The following COL4A6 variants were observed in gnomAD, a reference collection of about 807,000 sequenced individuals.
The protein encoded by COL4A6 is collagen type IV alpha 6 chain, also known as collagen alpha-6(IV) chain.
Under a neutral mutation model 126.7 loss-of-function variants are expected in COL4A6, and 59 were observed. The ratio of observed to expected loss-of-function variants is 0.47; its 90% CI spans 0.38 to 0.58. The LOEUF is 0.58. Among genes scored for constraint, COL4A6 ranks in the 20% least tolerant of loss-of-function variants. The pLI, the probability that COL4A6 is intolerant of heterozygous loss-of-function variation, is 0.00. For missense variants in COL4A6, 1,285 were observed against 1,337.3 expected, an observed-to-expected ratio of 0.96 and a Z score of 0.61; for synonymous variants, 547 against 496.6, an observed-to-expected ratio of 1.10 and a Z score of -1.35.
intron 2 of COL4A6, among the ~76,000 whole-genome samples, chrX:108,371,584 A>T (rs2040327233): frequency 9.3e-6 from 1 of 108,007 alleles, no homozygotes; most frequent in Admixed American, 1.0e-4. Flanking sequence ...TAAAAAAAAA[A>T]AAAAAAAAAA....
At chrX:108,297,182 G>A (rs1365003262) in intron 3 of COL4A6, among the ~76,000 whole-genome samples, 1 of 111,688 alleles carries the variant, frequency 9.0e-6, no homozygotes, top group Non-Finnish European at 1.9e-5. Context: ...GTTAAGGGAG[G>A]GTTTGATAAT....
chrX:108,336,120 G>T (rs1603112448), intron 2 of COL4A6, among the ~76,000 whole-genome samples: 1 of 111,731 alleles, frequency 9.0e-6, no homozygotes, highest in Non-Finnish European at 1.9e-5. Flanking sequence ...CTCAGCAATT[G>T]CATTGCTAGG....
At chrX:108,350,446 T>G (rs1369618635) in intron 2 of COL4A6, among the ~76,000 whole-genome samples, 1 of 111,409 alleles carries the variant, frequency 9.0e-6, no homozygotes, top group African/African-American at 3.3e-5. Flanking sequence ...CCAGACCTAC[T>G]AAAGTCAGAA....
intron 32 of COL4A6, 25 bp from the exon 33 acceptor site, chrX:108,171,486 A>T (rs2034301831): frequency 8.7e-7 from 1 of 1,147,088 alleles, no homozygotes; most frequent in African/African-American, 1.8e-5. Context: ...ACATTGTTTA[A>T]ATGGCCAGGA....
chrX:108,399,364 T>C (rs1017599930), intron 2 of COL4A6, among the ~76,000 whole-genome samples: 17 of 111,693 alleles, frequency 1.5e-4, no homozygotes, highest in Non-Finnish European at 3.0e-4. Context: ...TTTGTGCCTT[T>C]CATTAGTACT....
chrX:108,189,333 T>A (rs1236827929), intron 20 of COL4A6, among the ~76,000 whole-genome samples: 2 of 112,349 alleles, frequency 1.8e-5, no homozygotes, highest in African/African-American at 6.5e-5. Flanking sequence ...TGATGCTTAT[T>A]TATAAGGCAG....
chrX:108,172,435 G>T (rs375376164), intron 32 of COL4A6, 34 bp downstream of exon 32: 123 of 983,770 alleles, frequency 1.3e-4, no homozygotes, highest in Non-Finnish European at 1.7e-4. Context: ...TGCTCTAGAA[G>T]AAAACATTAA....
chrX:108,373,593 C>T (rs1569447456), intron 2 of COL4A6, among the ~76,000 whole-genome samples: 1 of 111,337 alleles, frequency 9.0e-6, no homozygotes, highest in East Asian at 2.8e-4. Flanking sequence ...GTCCCTGTTA[C>T]TCCACCCCCA....
chrX:108,232,483 G>A (rs760533605), intron 3 of COL4A6, among the ~76,000 whole-genome samples: 30 of 111,994 alleles, frequency 2.7e-4, no homozygotes, highest in African/African-American at 9.4e-4. Flanking sequence ...CAGACTGCAT[G>A]AGAAAATAAA....
chrX:108,433,918 G>T (rs2064217242), intron 2 of COL4A6, among the ~76,000 whole-genome samples: 1 of 111,916 alleles, frequency 8.9e-6, no homozygotes, highest in Non-Finnish European at 1.9e-5. Context: ...TGAGGCTGTG[G>T]TGTACCATAA....
Position 108,400,868 on chromosome X carries a change from A to C in COL4A6, c.63+37074T>G, listed in dbSNP as rs921448619. On this transcript the variant is annotated intron_variant, in intron 2 of 44. Transcript: ENST00000334504. ...TCCATGAACTATTTTTGACACAAAA[A>C]ATTTAGAAAGTGTTCAAAGGTATCA... 4.5e-5 allele frequency among the ~76,000 whole-genome samples: 5 copies of C among 112,078 alleles called. No individual in the cohort carries two copies. In the East Asian group the frequency reaches 1.4e-3, roughly 31 times the overall value.
At chrX:108,348,738 G>A (rs2039772329) in intron 2 of COL4A6, among the ~76,000 whole-genome samples, 1 of 111,518 alleles carries the variant, frequency 9.0e-6, no homozygotes, top group Admixed American at 9.5e-5. Flanking sequence ...AGTCACAAGA[G>A]GGCCTTGGCA....
intron 2 of COL4A6, among the ~76,000 whole-genome samples, chrX:108,316,071 T>C (rs1028108662): frequency 1.8e-5 from 2 of 111,287 alleles, no homozygotes; most frequent in African/African-American, 3.3e-5. Context: ...TGCATGGGGG[T>C]TGGCAAGGAT....
At chrX:108,335,785 A>G (rs771099867) in intron 2 of COL4A6, among the ~76,000 whole-genome samples, 6 of 111,087 alleles carry the variant, frequency 5.4e-5, no homozygotes, top group Non-Finnish European at 1.1e-4. Context: ...TCATGCCTCT[A>G]CTTGTCTGTG....
intron 11 of COL4A6, chrX:108,204,645 G>A (rs1458537188): frequency 2.2e-6 from 1 of 462,998 alleles, no homozygotes. Context: ...ATGGATAGAA[G>A]GAAACTTTAA....
Position 108,438,167 on chromosome X carries a change from C to A in COL4A6, c.11+19G>T. On this transcript the variant is annotated intron_variant, in intron 1 of 44. Coordinates refer to ENST00000334504, the MANE Select transcript of COL4A6 (RefSeq NM_033641.4). Reference sequence around the variant, plus strand: ...CGAAGTAAGAAAGAGGAGGGGAGCTCGGGGCAGCAACAGCTCACCCAGGGT... The same window carrying A: ...CGAAGTAAGAAAGAGGAGGGGAGCTAGGGGCAGCAACAGCTCACCCAGGGT... 8.3e-7 allele frequency: 1 copy of A among 1,207,612 alleles called. No individual in the cohort carries two copies. The highest frequency in any genetic ancestry group is 1.1e-6 in the Non-Finnish European group (1 of 893,653).
Position 108,315,250 on chromosome X carries a change from C to CT in COL4A6, c.64-4423dup, listed in dbSNP as rs759830569. On this transcript the variant is annotated intron_variant, in intron 2 of 44. Transcript: ENST00000334504. ...TCAGAGAATCACTGCACTCACTTAA[C>CT]TTTTTTTTGAGATGGAGTATCACTC... Among the ~76,000 whole-genome samples, 8 of 111,396 alleles carry CT rather than the reference C, an allele frequency of 7.2e-5. No homozygotes were observed. The East Asian group carries it at 1.4e-3, about 20-fold the overall frequency.
At chrX:108,272,847 C>T (rs958772248) in intron 3 of COL4A6, among the ~76,000 whole-genome samples, 5 of 110,822 alleles carry the variant, frequency 4.5e-5, no homozygotes, top group Admixed American at 9.6e-5. Context: ...GGTTGTATCT[C>T]AGATTAATTA....
chrX:108,241,764 G>T (rs1057386663), intron 3 of COL4A6, among the ~76,000 whole-genome samples: 1 of 108,000 alleles, frequency 9.3e-6, no homozygotes, highest in Non-Finnish European at 1.9e-5. Context: ...TTTCCAAAAT[G>T]ATGGGTCAAA....
Sources: gnomAD v4.1 joint callset for allele counts (sites outside exome capture counted in the v4.1 genomes callset) on GRCh38, gnomAD v4.1.1 for gene constraint, MANE v1.5 for transcripts, NCBI Gene and HGNC (gene_info 2026-07-23, HGNC 2026-07-21) for gene names.